Variants in PLD1 observed in about 807,000 individuals in gnomAD.
PLD1 encodes the protein choline phosphatase 1.
Under a neutral mutation model 137.1 loss-of-function variants are expected in PLD1, and 112 were observed. The observed-to-expected ratio is 0.82, with a 90% CI of 0.70 to 0.96. The LOEUF (loss-of-function observed/expected upper bound fraction) is 0.96, where lower values mean the gene tolerates loss of function less well. Among genes scored for constraint, PLD1 ranks in the 40% least tolerant of loss-of-function variants. The pLI, the probability that PLD1 is intolerant of heterozygous loss-of-function variation, is 0.00. For synonymous variants in PLD1, 431 were observed against 454.7 expected (o/e 0.95, Z 0.66); for missense variants, 1,321 against 1,342.0 (o/e 0.98, Z 0.24).
At chr3:171,713,757 A>G (rs934367388) in intron 9 of PLD1, 136 bp downstream of exon 9, 5 of 704,236 alleles carry the variant, frequency 7.1e-6, no homozygotes, top group Non-Finnish European at 1.2e-5. Flanking sequence ...AAGTGGTTTC[A>G]TTACTATTGA....
chr3:171,735,782 T>C (rs1330397309), intron 3 of PLD1, 145 bp from the exon 4 acceptor site: 2 of 599,120 alleles, frequency 3.3e-6, no homozygotes, highest in African/African-American at 3.7e-5. Flanking sequence ...TAAATTTGTT[T>C]CAAAAGCAGC....
At chr3:171,615,997 A>G (rs1235382801) in intron 24 of PLD1, among the ~76,000 whole-genome samples, 1 of 152,244 alleles carries the variant, frequency 6.6e-6, no homozygotes. Flanking sequence ...AGCCATGCCA[A>G]TACTTAGATT....
At chr3:171,672,060 A>C (rs1480708570) in intron 19 of PLD1, among the ~76,000 whole-genome samples, 3 of 146,208 alleles carry the variant, frequency 2.1e-5, no homozygotes, top group Admixed American at 7.2e-5. Flanking sequence ...TACTGCAGTC[A>C]GTCCTTTTGT....
intron 11 of PLD1, among the ~76,000 whole-genome samples, chr3:171,701,982 T>C (rs79177043): frequency 2.0e-5 from 3 of 151,782 alleles, no homozygotes; most frequent in Non-Finnish European, 4.4e-5. Flanking sequence ...AGACAAAAAA[T>C]TAAAAATTAA....
intron 24 of PLD1, among the ~76,000 whole-genome samples, chr3:171,615,643 T>C (rs544893400): frequency 2.4e-4 from 37 of 152,354 alleles, no homozygotes; most frequent in South Asian, 2.1e-3. Flanking sequence ...ATATATCAGA[T>C]AGTCCTTTGA....
At chr3:171,624,634 C>T (rs1007908659) in intron 23 of PLD1, among the ~76,000 whole-genome samples, 2 of 152,044 alleles carry the variant, frequency 1.3e-5, no homozygotes, top group African/African-American at 4.8e-5. Flanking sequence ...TTGTTGAAGA[C>T]AATCTAATTG....
intron 1 of PLD1, among the ~76,000 whole-genome samples, chr3:171,757,306 G>C (rs866058946): frequency 6.6e-6 from 1 of 152,148 alleles, no homozygotes; most frequent in East Asian, 1.9e-4. Context: ...GAAAACTATT[G>C]TAAGTTCAGA....
At chr3:171,792,537 C>G (rs890955955) in intron 1 of PLD1, 8 of 455,876 alleles carry the variant, frequency 1.8e-5, no homozygotes, top group African/African-American at 1.6e-4. Context: ...GCTGAGCAAA[C>G]CAGGGGACAA....
At chr3:171,629,908 C>T (rs1734512873) in intron 23 of PLD1, among the ~76,000 whole-genome samples, 1 of 151,634 alleles carries the variant, frequency 6.6e-6, no homozygotes, top group Non-Finnish European at 1.5e-5. Flanking sequence ...ACCATAAAAA[C>T]CCTAGAAGAA....
chr3:171,664,752 C>T (rs1422451381), intron 19 of PLD1, among the ~76,000 whole-genome samples: 2 of 152,174 alleles, frequency 1.3e-5, no homozygotes, highest in South Asian at 4.1e-4. Flanking sequence ...AGCCACCACG[C>T]CCGGCCGGAA....
intron 11 of PLD1, among the ~76,000 whole-genome samples, chr3:171,704,985 T>C (rs963050000): frequency 1.3e-5 from 2 of 152,178 alleles, no homozygotes; most frequent in Non-Finnish European, 2.9e-5. Context: ...GAGAATCTAA[T>C]GCCACGGCTG....
Position 171,726,088 on chromosome 3 carries a change from C to G in PLD1, c.607-12G>C. 3 of 1,595,556 alleles carry G rather than the reference C, an allele frequency of 1.9e-6. No homozygotes were observed. The highest frequency in any genetic ancestry group is 1.7e-6 in the Non-Finnish European group (2 of 1,163,534). ...TCAAGAAACTCTGTCTGAAAAGAAG[C>G]AAAAAATCCATCTTTAGCAAGCAAA... On this transcript the variant is annotated splice_polypyrimidine_tract_variant and intron_variant, in intron 6 of 26. Transcript: ENST00000351298.
chr3:171,684,393 C>T (rs879400592), intron 16 of PLD1, among the ~76,000 whole-genome samples: 4 of 152,054 alleles, frequency 2.6e-5, no homozygotes, highest in East Asian at 1.9e-4. Flanking sequence ...CCTCTAATAT[C>T]GGCCACTGCA....
chr3:171,733,578 A>G, intron 5 of PLD1, 69 bp from the exon 6 acceptor site: 1 of 640,550 alleles, frequency 1.6e-6, no homozygotes, highest in Non-Finnish European at 2.8e-6. Flanking sequence ...AACAGTAGTG[A>G]CAATGATGAG....
chr3:171,615,226 A>C (rs987858209), intron 24 of PLD1, among the ~76,000 whole-genome samples: 1 of 152,238 alleles, frequency 6.6e-6, no homozygotes, highest in African/African-American at 2.4e-5. Context: ...AAAGATACAC[A>C]CTGAACTGTT....
intron 19 of PLD1, among the ~76,000 whole-genome samples, chr3:171,672,886 A>C (rs1430730428): frequency 6.6e-6 from 1 of 152,236 alleles, no homozygotes; most frequent in Admixed American, 6.5e-5. Context: ...GGATGAGACT[A>C]TGTGAGTCAG....
At chr3:171,673,968 C>T (rs1030014464) in intron 19 of PLD1, among the ~76,000 whole-genome samples, 2 of 151,656 alleles carry the variant, frequency 1.3e-5, no homozygotes, top group East Asian at 3.8e-4. Flanking sequence ...ACTAGCTGGC[C>T]GGCCCTAGAT....
chr3:171,774,291 C>G (rs1722515997), intron 1 of PLD1, among the ~76,000 whole-genome samples: 1 of 152,146 alleles, frequency 6.6e-6, no homozygotes, highest in African/African-American at 2.4e-5. Flanking sequence ...TAAAGGCTTT[C>G]CAGAGAAGTG....
chr3:171,783,515 A>C (rs1486563199), intron 1 of PLD1, among the ~76,000 whole-genome samples: 5 of 152,138 alleles, frequency 3.3e-5, no homozygotes, highest in Non-Finnish European at 7.4e-5. Flanking sequence ...TGTTGATCTG[A>C]GGATATTACA....
Sources: gnomAD v4.1 joint callset for allele counts (sites outside exome capture counted in the v4.1 genomes callset) on GRCh38, gnomAD v4.1.1 for gene constraint, MANE v1.5 for transcripts, NCBI Gene and HGNC (gene_info 2026-07-23, HGNC 2026-07-21) for gene names.